Variants in MRAP observed in about 807,000 individuals in gnomAD.
MRAP encodes the protein melanocortin-2 receptor accessory protein.
MRAP carries 8 observed loss-of-function variants against 8.7 expected under a neutral mutation model. The observed-to-expected ratio is 0.92, with a 90% CI of 0.54 to 1.66. The LOEUF is 1.66. Ranked by LOEUF, MRAP falls within the 40% of genes most tolerant of loss-of-function variation. The pLI is 0.00. For missense variants in MRAP, 237 were observed against 217.1 expected (o/e 1.09, Z -0.58); for synonymous variants, 95 against 95.5 (o/e 1.00, Z 0.03).
downstream of MRAP, chr21:32,314,031 T>C (rs1051183875): frequency 6.5e-6 from 1 of 153,968 alleles, no homozygotes; most frequent in African/African-American, 2.4e-5. Context: ...AATTACAGGC[T>C]GTCTTCTCAA....
At chr21:32,298,097 C>T (rs1356411871), upstream of MRAP, among the ~76,000 whole-genome samples, 4 of 152,212 alleles carry the variant, frequency 2.6e-5, no homozygotes, top group Admixed American at 2.6e-4. Context: ...TGTGGTCCTG[C>T]TCATTCCAGA....
intron 2 of MRAP, among the ~76,000 whole-genome samples, chr21:32,308,359 AAGAG>A (rs1191176737): frequency 1.3e-5 from 2 of 152,168 alleles, no homozygotes; most frequent in East Asian, 1.9e-4. Flanking sequence ...CCTGGGCAAG[AAGAG>A]AGAAACTCTG....
intron 2 of MRAP, among the ~76,000 whole-genome samples, chr21:32,309,516 A>T (rs1344244354): frequency 6.7e-6 from 1 of 149,926 alleles, no homozygotes; most frequent in South Asian, 2.1e-4. Flanking sequence ...CAGTGGCGTG[A>T]TCTCGGCTCA....
intron 2 of MRAP, among the ~76,000 whole-genome samples, chr21:32,308,975 C>T (rs1371838794): frequency 6.6e-6 from 1 of 152,206 alleles, no homozygotes; most frequent in African/African-American, 2.4e-5. Flanking sequence ...CAGTGCGTCC[C>T]ATGCCAGGTC....
rs1329275285 is a variant in MRAP, at chr21:32,291,850, G to T, written c.-151+1G>T. 3 of 152,188 alleles carry T rather than the reference G, an allele frequency of 2.0e-5. No individual in the cohort carries two copies. In the East Asian group the frequency reaches 5.8e-4, roughly 29 times the overall value. The allele number at this position is 152,188 out of a possible 1,614,324, so 9.4% of individuals were successfully genotyped here. ...GGCTATGCAGGTGTGTGGGCTGGAG[G>T]TATATAGAAAATCTGCCCCTTTTTC... is the stretch of plus-strand genomic sequence containing the variant. On this transcript the variant is annotated splice_donor_variant, in intron 1 of 4. Coordinates refer to the MRAP transcript ENST00000399784. LOFTEE classifies it low-confidence loss of function (5UTR_SPLICE).
chr21:32,306,334 A>C, intron 1 of MRAP: 1 of 398,840 alleles, frequency 2.5e-6, no homozygotes, highest in Non-Finnish European at 4.8e-6. Flanking sequence ...GAGCACCACT[A>C]GGAGCCGGGC....
downstream of MRAP, chr21:32,314,430 C>T: frequency 1.2e-6 from 1 of 836,308 alleles, no homozygotes. Context: ...GGTGATTCAC[C>T]CGCCTTGGCC....
At chr21:32,305,382 C>T (rs2032390393) in intron 1 of MRAP, among the ~76,000 whole-genome samples, 1 of 152,132 alleles carries the variant, frequency 6.6e-6, no homozygotes, top group Non-Finnish European at 1.5e-5. Flanking sequence ...AGATGACATC[C>T]TTTACTCAAA....
intron 1 of MRAP, among the ~76,000 whole-genome samples, chr21:32,300,649 CG>C (rs1352748822): frequency 8.1e-5 from 12 of 147,582 alleles, no homozygotes; most frequent in East Asian, 2.1e-4. Context: ...CGTCCTATGC[CG>C]GGGGCGTCAC....
downstream of MRAP, chr21:32,314,278 A>ACCAG: frequency 2.6e-6 from 1 of 382,958 alleles, no homozygotes; most frequent in Admixed American, 3.7e-5. Flanking sequence ...TCCACCTCCC[A>ACCAG]GGTTCAAGCG....
intron 1 of MRAP, among the ~76,000 whole-genome samples, chr21:32,299,378 A>G (rs891020982): frequency 1.3e-5 from 2 of 152,180 alleles, no homozygotes; most frequent in African/African-American, 4.8e-5. Flanking sequence ...TCTGTTGCCT[A>G]GGCTGGAGTG....
chr21:32,314,237 C>T (rs1128337), downstream of MRAP: 42,584 of 296,844 alleles, frequency 0.14, 4,719 homozygotes, highest in African/African-American at 0.37. Context: ...TAGGCTGGAG[C>T]GCAATGGCAC....
rs1555834143 is a variant in MRAP, at chr21:32,304,975, T to TG, written c.107-1665_107-1664insG. Among the ~76,000 whole-genome samples the TG allele has an allele frequency of 7.0e-3, 520 of 74,114 alleles. 15 individuals are homozygous for TG. The East Asian group carries it at 0.09, about 13-fold the overall frequency. The allele number at this position is 74,114 out of a possible 152,430, so 48.6% of individuals were successfully genotyped here. A position where few individuals can be genotyped will look rare whatever the true frequency, so the allele number is the denominator to read the frequency against. ...TTTGTTTTTTTTGTTGTTTTTTTTT[T>TG]TTTTTTTTTTTTTTTGAGACAGCAT... is the stretch of plus-strand genomic sequence containing the variant. On this transcript the variant is annotated intron_variant, in intron 1 of 2. Coordinates refer to ENST00000303645, the MANE Select transcript of MRAP (RefSeq NM_001379228.1).
upstream of MRAP, among the ~76,000 whole-genome samples, chr21:32,298,309 C>T (rs186291483): frequency 1.6e-4 from 24 of 151,970 alleles, no homozygotes; most frequent in Admixed American, 6.5e-4. Context: ...CAAATGCAGC[C>T]GGCTGGTTGG....
upstream of MRAP, among the ~76,000 whole-genome samples, chr21:32,296,413 C>T (rs1307446797): frequency 1.3e-5 from 2 of 152,150 alleles, no homozygotes; most frequent in Non-Finnish European, 2.9e-5. Flanking sequence ...TGGAAGTACA[C>T]AGGTGGGTGC....
Position 32,311,997 on chromosome 21 carries a change from T to C in MRAP, c.*1T>C, listed in dbSNP as rs1179975734. 6.2e-7 allele frequency: 1 copy of C among 1,613,130 alleles called. No homozygotes were observed. The highest frequency in any genetic ancestry group is 8.5e-7 in the Non-Finnish European group (1 of 1,180,026). On this transcript the variant is annotated 3_prime_UTR_variant, in exon 3 of 3. Coordinates refer to ENST00000303645, the MANE Select transcript of MRAP (RefSeq NM_001379228.1). ...CAGGACCTCTCAATTGCAGAGCTGA[T>C]GTCAGTAAATCGTGGCCATAGCTGA...
At chr21:32,306,909 C>G (rs2032434383) in intron 2 of MRAP, 170 bp downstream of exon 2, 1 of 682,152 alleles carries the variant, frequency 1.5e-6, no homozygotes, top group Non-Finnish European at 2.7e-6. Context: ...ATCCAAAAAT[C>G]CGAAATATTC....
chr21:32,305,651 T>C (rs118183840), intron 1 of MRAP, among the ~76,000 whole-genome samples: 1 of 152,270 alleles, frequency 6.6e-6, no homozygotes, highest in Non-Finnish European at 1.5e-5. Flanking sequence ...CAATGAATTC[T>C]CGTTAGGTTA....
At chr21:32,309,522 G>A (rs1194880073) in intron 2 of MRAP, among the ~76,000 whole-genome samples, 1 of 151,236 alleles carries the variant, frequency 6.6e-6, no homozygotes, top group Non-Finnish European at 1.5e-5. Flanking sequence ...CGTGATCTCG[G>A]CTCACTGCAA....
Sources: gnomAD v4.1 joint callset for allele counts (sites outside exome capture counted in the v4.1 genomes callset) on GRCh38, gnomAD v4.1.1 for gene constraint, MANE v1.5 for transcripts, NCBI Gene and HGNC (gene_info 2026-07-23, HGNC 2026-07-21) for gene names.